Variants in SCRG1 observed in about 807,000 individuals in gnomAD.
SCRG1 encodes stimulator of chondrogenesis 1.
In SCRG1, 3 loss-of-function variants were observed where a neutral mutation model predicts 7.7. The ratio of observed to expected loss-of-function variants is 0.39; its 90% confidence interval spans 0.18 to 1.01. The LOEUF is 1.01. SCRG1 is among the 50% of genes least tolerant of loss of function. The pLI, the probability that SCRG1 is intolerant of heterozygous loss-of-function variation, is 0.36. For synonymous variants in SCRG1, 46 were observed against 41.2 expected (o/e 1.12, Z -0.44); for missense variants, 110 against 117.2 (o/e 0.94, Z 0.28).
the SCRG1 span, among the ~76,000 whole-genome samples, chr4:173,432,779 A>G: frequency 1.3e-5 from 2 of 152,216 alleles, no homozygotes; most frequent in African/African-American, 4.8e-5. Context: ...TTTGCTCTGC[A>G]GGATAATTTT....
the SCRG1 span, among the ~76,000 whole-genome samples, chr4:173,497,021 G>T: frequency 2.6e-5 from 4 of 152,130 alleles, no homozygotes; most frequent in African/African-American, 9.7e-5. Flanking sequence ...CAGGAGAATG[G>T]CGTGAACCTG....
At chr4:173,476,981 G>A in the SCRG1 span, among the ~76,000 whole-genome samples, 1 of 152,148 alleles carries the variant, frequency 6.6e-6, no homozygotes, top group Admixed American at 6.5e-5. Flanking sequence ...TAGCATATCT[G>A]GGTGATGTGT....
the SCRG1 span, among the ~76,000 whole-genome samples, chr4:173,416,711 T>C: frequency 6.6e-6 from 1 of 152,298 alleles, no homozygotes; most frequent in Non-Finnish European, 1.5e-5. Context: ...ATCCCCCGGC[T>C]CCTGGGGCCC....
the SCRG1 span, among the ~76,000 whole-genome samples, chr4:173,484,629 ATAT>A: frequency 1.0e-5 from 1 of 96,582 alleles, no homozygotes; most frequent in South Asian, 3.3e-4. Context: ...CATGTAATAT[ATAT>A]TATATGCATA....
In SCRG1 at chr4:173,396,741, T is replaced by TGTGTGTGTGTGTGTGTGTGTGTGTGA. The variant is rs35823365; in HGVS notation, c.-15+2326_-15+2327insTCACACACACACACACACACACACAC. 5.9e-4 allele frequency among the ~76,000 whole-genome samples: 86 copies of TGTGTGTGTGTGTGTGTGTGTGTGTGA among 145,634 alleles called. 1 individual carries two copies. The highest frequency in any genetic ancestry group is 1.9e-3 in the African/African-American group (76 of 39,186). ...GTGTGTGTGTGTGTGTGTGTGTGTG[T>TGTGTGTGTGTGTGTGTGTGTGTGTGA]GTGTGTGTATGCATTATAAATTACA... On this transcript the variant is annotated intron_variant, in intron 1 of 2. Transcript: ENST00000296506.
In SCRG1 at chr4:173,391,563, T is replaced by C. The variant is rs1310100609; in HGVS notation, c.-14-135A>G. The C allele has an allele frequency of 3.5e-6, 3 of 855,678 alleles. No individual in the cohort carries two copies. In the Admixed American group the frequency reaches 7.5e-5, roughly 21 times the overall value. The allele number at this position is 855,678 out of a possible 1,614,324, so 53.0% of individuals were successfully genotyped here. A position where few individuals can be genotyped will look rare whatever the true frequency, so the allele number is the denominator to read the frequency against. ...AGTTGGGCTTTTCTACAATCCTGTT[T>C]GTGTTTCTCAAAGTGTAGTTTTATG... is the stretch of plus-strand genomic sequence containing the variant. On this transcript the variant is annotated intron_variant, in intron 1 of 2. Transcript: ENST00000296506.
chr4:173,500,472 T>TGTGTGTG, the SCRG1 span, among the ~76,000 whole-genome samples: 403 of 150,218 alleles, frequency 2.7e-3, 6 homozygotes, highest in African/African-American at 4.8e-3. Flanking sequence ...TTAGTAAATT[T>TGTGTGTG]TGTGTGTGTG....
At chr4:173,419,166 C>T in the SCRG1 span, 3 of 320,440 alleles carry the variant, frequency 9.4e-6, no homozygotes, top group South Asian at 1.1e-4. Flanking sequence ...ACTTCTCCAG[C>T]TCTACCTCTT....
At chr4:173,516,932 G>A in the SCRG1 span, among the ~76,000 whole-genome samples, 3 of 152,236 alleles carry the variant, frequency 2.0e-5, no homozygotes, top group African/African-American at 7.2e-5. Flanking sequence ...TAAGGTGCTA[G>A]AAAGGAAACG....
At chr4:173,426,764 T>C in the SCRG1 span, among the ~76,000 whole-genome samples, 8 of 152,208 alleles carry the variant, frequency 5.3e-5, no homozygotes, top group African/African-American at 1.9e-4. Flanking sequence ...GCACCTTACC[T>C]GGCATCAAGA....
At chr4:173,422,902 G>A in the SCRG1 span, among the ~76,000 whole-genome samples, 1 of 152,072 alleles carries the variant, frequency 6.6e-6, no homozygotes, top group Non-Finnish European at 1.5e-5. Flanking sequence ...GGAAAAAATT[G>A]TCTATCAGAG....
the SCRG1 span, among the ~76,000 whole-genome samples, chr4:173,479,443 GT>G: frequency 3.0e-4 from 40 of 135,234 alleles, no homozygotes; most frequent in Admixed American, 4.6e-4. Context: ...TTGTTTTTTT[GT>G]TTTTTTTTTT....
chr4:173,395,779 C>T (rs1739586773), intron 1 of SCRG1, among the ~76,000 whole-genome samples: 1 of 152,086 alleles, frequency 6.6e-6, no homozygotes, highest in South Asian at 2.1e-4. Flanking sequence ...AATATGACTA[C>T]AATTGGATAT....
the SCRG1 span, among the ~76,000 whole-genome samples, chr4:173,506,785 C>A: frequency 6.6e-6 from 1 of 152,170 alleles, no homozygotes; most frequent in Admixed American, 6.5e-5. This position sits in a 1 kb window ranked among gnomAD's most constrained non-coding sequence, Gnocchi z 5.3. Context: ...GGTTTTCCAG[C>A]AGCTCATTCC....
At chr4:173,468,027 C>T in the SCRG1 span, 1 of 152,514 alleles carries the variant, frequency 6.6e-6, no homozygotes, top group African/African-American at 2.4e-5. Flanking sequence ...ATAAAAGTTG[C>T]CAATTTATCC....
the SCRG1 span, among the ~76,000 whole-genome samples, chr4:173,452,281 A>G: frequency 6.6e-6 from 1 of 152,148 alleles, no homozygotes; most frequent in African/African-American, 2.4e-5. Context: ...TATATTTACT[A>G]TTCATTGAAT....
the SCRG1 span, among the ~76,000 whole-genome samples, chr4:173,463,640 C>G: frequency 6.7e-3 from 1,020 of 152,266 alleles, 15 homozygotes; most frequent in African/African-American, 0.023. Flanking sequence ...AATTCTTATT[C>G]TTTATCTGGT....
rs985180279 is a variant in SCRG1 at position 173,386,060 on chromosome 4, A to G, written c.*2281T>C. The G allele has an allele frequency of 2.6e-5, 4 of 152,166 alleles. No individual in the cohort carries two copies. Among genetic ancestry groups the G allele is most frequent in the Non-Finnish European group, 5.9e-5 (4 of 68,038 alleles). 9.4% of individuals were successfully genotyped at this position (152,166 alleles called of 1,614,324 possible). A position where few individuals can be genotyped will look rare whatever the true frequency, so the allele number is the denominator to read the frequency against. On this transcript the variant is annotated 3_prime_UTR_variant, in exon 3 of 3. Transcript: ENST00000296506. The stretch of plus-strand genomic sequence containing the variant: ...ATTATCCATCTACCTACCTATCTAT[A>G]TTATTTTACAATTTCACTTCATGTA...
chr4:173,496,747 T>G, the SCRG1 span, among the ~76,000 whole-genome samples: 1 of 152,174 alleles, frequency 6.6e-6, no homozygotes, highest in African/African-American at 2.4e-5. Flanking sequence ...AGTATTCTGA[T>G]TAAGTATTGC....
Sources: allele counts gnomAD v4.1 joint callset (sites outside exome capture counted in the v4.1 genomes callset), GRCh38; gene constraint gnomAD v4.1.1; non-coding constraint Gnocchi (gnomAD v3.1); transcripts MANE v1.5; gene names NCBI Gene and HGNC (gene_info 2026-07-23, HGNC 2026-07-21).